Variants in ACBD3 observed in about 807,000 individuals in gnomAD.
ACBD3 encodes acyl-CoA binding domain containing 3.
ACBD3 carries 30 observed loss-of-function variants against 66.9 expected under a neutral mutation model. The observed-to-expected ratio is 0.45, with a 90% CI of 0.34 to 0.61. The LOEUF is 0.61. ACBD3 is among the 20% of genes least tolerant of loss of function. ACBD3 has a pLI of 0.02. For synonymous variants in ACBD3, 278 were observed against 259.8 expected, an observed-to-expected ratio of 1.07 and a Z score of -0.68; for missense variants, 544 against 664.5, an observed-to-expected ratio of 0.82 and a Z score of 1.99.
chr1:226,174,102 C>T (rs1010154211), intron 1 of ACBD3, among the ~76,000 whole-genome samples: 9 of 151,944 alleles, frequency 5.9e-5, no homozygotes, highest in Admixed American at 2.6e-4. Context: ...GTACCATAAA[C>T]GTTAAATGTA....
intron 1 of ACBD3, among the ~76,000 whole-genome samples, chr1:226,177,213 C>G (rs937652729): frequency 4.7e-5 from 7 of 149,076 alleles, no homozygotes; most frequent in Non-Finnish European, 8.9e-5. Flanking sequence ...GTCGCTTGAA[C>G]CGGGACGGGT....
At chr1:226,153,411 T>A (rs146264821) in intron 6 of ACBD3, among the ~76,000 whole-genome samples, 12 of 152,322 alleles carry the variant, frequency 7.9e-5, no homozygotes, top group African/African-American at 2.9e-4. Context: ...CCCTGACCAC[T>A]GTCACTGAAA....
Position 226,186,462 on chromosome 1 carries a change from C to A in ACBD3, c.214G>T (p.Ala72Ser). The A allele has an allele frequency of 6.7e-7, 1 of 1,502,620 alleles. No individual in the cohort carries two copies. The highest frequency in any genetic ancestry group is 8.9e-7 in the Non-Finnish European group (1 of 1,128,430). 93.1% of individuals were successfully genotyped at this position (1,502,620 alleles called of 1,614,324 possible). A position where few individuals can be genotyped will look rare whatever the true frequency, so the allele number is the denominator to read the frequency against. Residue 72 changes from alanine (A) to serine (S), a missense_variant, in exon 1 of 8, where the codon GCG (alanine) becomes TCG (serine). This residue lies in a region of ACBD3 where 137 missense variants were observed against 145.9 expected (regional missense o/e 0.94). Coordinates refer to ENST00000366812, the MANE Select transcript of ACBD3 (RefSeq NM_022735.4). ...CCCCAGCGCTGCTCCAGCCGCCGCG[C>A]CTCCTCCGCCGCGCCCCCAGCCGCC... Reference protein sequence around the residue: ...EAAAGGAAEEARRLEQRWGFG... With the variant: ...EAAAGGAAEESRRLEQRWGFG...
intron 1 of ACBD3, among the ~76,000 whole-genome samples, chr1:226,178,171 C>T (rs999234655): frequency 2.6e-5 from 4 of 152,126 alleles, no homozygotes; most frequent in Non-Finnish European, 4.4e-5. Context: ...ACTAAACTCA[C>T]AAGTATTTAA....
intron 7 of ACBD3, among the ~76,000 whole-genome samples, chr1:226,147,586 A>C (rs550285397): frequency 1.3e-5 from 2 of 152,336 alleles, no homozygotes; most frequent in South Asian, 2.1e-4. Context: ...ATTTGTGAGG[A>C]CTATTGCTTT....
At chr1:226,154,044 T>C (rs1452697129) in intron 6 of ACBD3, among the ~76,000 whole-genome samples, 1 of 152,222 alleles carries the variant, frequency 6.6e-6, no homozygotes, top group Non-Finnish European at 1.5e-5. Context: ...GGAACCATTT[T>C]GGAAGCAGAT....
intron 4 of ACBD3, among the ~76,000 whole-genome samples, chr1:226,161,248 C>T (rs1392879235): frequency 6.7e-6 from 1 of 150,222 alleles, no homozygotes; most frequent in Non-Finnish European, 1.5e-5. Flanking sequence ...AAGAGATTCT[C>T]CTGCCTCAGC....
chr1:226,160,757 C>A (rs552888456), intron 4 of ACBD3, among the ~76,000 whole-genome samples: 43 of 152,298 alleles, frequency 2.8e-4, no homozygotes, highest in African/African-American at 9.4e-4. Context: ...ACCCACAGCT[C>A]CCTCTTGAAG....
In ACBD3 at chr1:226,161,608, T is replaced by G. The variant is rs748002492; in HGVS notation, c.651A>C (p.Glu217Asp). 8.1e-6 allele frequency: 13 copies of G among 1,613,980 alleles called. No homozygotes were observed. The African/African-American group carries it at 1.1e-4, about 13-fold the overall frequency. ...LQKEEEKRRR[E>D]EEERLRREEE... The stretch of plus-strand genomic sequence containing the variant: ...CCTCCCGTCGAAGCCTTTCCTCTTC[T>G]TCTCTCCTACGTTTCTCTTCCTCCT... Residue 217 changes from glutamate (E) to aspartate (D), a missense_variant, in exon 4 of 8, where the codon GAA becomes GAC. This residue lies in a region of ACBD3 where 383 missense variants were observed against 462.4 expected (regional missense o/e 0.83). Coordinates refer to ENST00000366812, the MANE Select transcript of ACBD3 (RefSeq NM_022735.4).
chr1:226,157,361 T>C (rs1274845655), intron 5 of ACBD3, among the ~76,000 whole-genome samples: 1 of 151,988 alleles, frequency 6.6e-6, no homozygotes, highest in African/African-American at 2.4e-5. Flanking sequence ...TGCTTCAGCC[T>C]CACGAGTAGC....
At chr1:226,164,116 TAAAAA>T (rs1165905762) in intron 3 of ACBD3, among the ~76,000 whole-genome samples, 4 of 51,556 alleles carry the variant, frequency 7.8e-5, no homozygotes, top group Admixed American at 5.9e-4. Flanking sequence ...GACTCCATCT[TAAAAA>T]AAAAAAAAAA....
Position 226,146,503 on chromosome 1 carries a change from C to G in ACBD3, c.*107G>C, listed in dbSNP as rs1054378840. On this transcript the variant is annotated 3_prime_UTR_variant, in exon 8 of 8. Coordinates refer to ENST00000366812, the MANE Select transcript of ACBD3 (RefSeq NM_022735.4). Reference sequence around the variant, plus strand: ...AGTTCACAAACCATCAGACCAATATCAATAAGGTAAACTGTGACTCTAATG... The same window carrying G: ...AGTTCACAAACCATCAGACCAATATGAATAAGGTAAACTGTGACTCTAATG... The G allele has an allele frequency of 2.2e-6, 2 of 922,690 alleles. No homozygotes were observed. The highest frequency in any genetic ancestry group is 1.7e-5 in the African/African-American group (1 of 59,870). The allele number at this position is 922,690 out of a possible 1,614,324, so 57.2% of individuals were successfully genotyped here.
rs775447341 is a variant in ACBD3 at position 226,159,212 on chromosome 1, A to C, written c.875T>G (p.Leu292Trp). 1 of 1,614,168 alleles carries C rather than the reference A, an allele frequency of 6.2e-7. No homozygotes were observed. The highest frequency in any genetic ancestry group is 8.5e-7 in the Non-Finnish European group (1 of 1,180,004). ...EQHYQQYMQQ[L>W]YQVQLAQQQA... ...TTGCTGTGCAAGCTGGACTTGATAC[A>C]ACTGCTGCATGTACTGCTGATAGTG... The change falls in exon 5 of 8, where the codon TTG (leucine) becomes TGG (tryptophan). Residue 292 changes from leucine to tryptophan, a missense_variant. Physicochemically the swap from Leu to Trp is moderately conservative, Grantham distance 61 (BLOSUM62 -2). Coordinates refer to ENST00000366812, the MANE Select transcript of ACBD3 (RefSeq NM_022735.4).
At chr1:226,173,661 C>T (rs1486640207) in intron 1 of ACBD3, among the ~76,000 whole-genome samples, 1 of 151,734 alleles carries the variant, frequency 6.6e-6, no homozygotes, top group Non-Finnish European at 1.5e-5. Context: ...CAAAAGGTTA[C>T]AGCTCTCTTA....
chr1:226,151,660 A>G (rs199623048), intron 7 of ACBD3, among the ~76,000 whole-genome samples: 1 of 152,222 alleles, frequency 6.6e-6, no homozygotes, highest in East Asian at 1.9e-4. Context: ...TATCAACAAT[A>G]TAAATTTAAA....
intron 1 of ACBD3, among the ~76,000 whole-genome samples, chr1:226,169,279 G>A (rs1008714443): frequency 1.3e-4 from 20 of 150,678 alleles, no homozygotes; most frequent in African/African-American, 4.4e-4. Context: ...ACAGAGTCTC[G>A]CTCTGTCACC....
intron 7 of ACBD3, chr1:226,148,022 C>T (rs920022627): frequency 1.3e-5 from 2 of 152,122 alleles, no homozygotes; most frequent in African/African-American, 4.8e-5. Context: ...TCTGGCAACA[C>T]ACTGAGTGAT....
chr1:226,171,935 C>G lies in ACBD3; in HGVS notation c.287-5935G>C, dbSNP rs1660001343. Among the ~76,000 whole-genome samples the G allele has an allele frequency of 4.0e-5, 6 of 151,586 alleles. No homozygotes were observed. In the South Asian group the frequency reaches 1.2e-3, roughly 32 times the overall value. Reference sequence around the variant, plus strand: ...CTTTGGGAGGCTGGGGCGGGTGGATCACCTGAGGTCAGGAGTTTGAGATCA... The same window carrying G: ...CTTTGGGAGGCTGGGGCGGGTGGATGACCTGAGGTCAGGAGTTTGAGATCA... On this transcript the variant is annotated intron_variant, in intron 1 of 7. Transcript: ENST00000366812.
At chr1:226,183,481 C>A (rs1007423146) in intron 1 of ACBD3, among the ~76,000 whole-genome samples, 1 of 151,942 alleles carries the variant, frequency 6.6e-6, no homozygotes, top group East Asian at 1.9e-4. Flanking sequence ...CACACCCGGC[C>A]GAAAATGTAA....
Sources: gnomAD v4.1 joint callset for allele counts (sites outside exome capture counted in the v4.1 genomes callset) on GRCh38, gnomAD v4.1.1 for gene constraint, gnomAD v4.1.1 regional missense constraint, MANE v1.5 for transcripts, NCBI Gene and HGNC (gene_info 2026-07-23, HGNC 2026-07-21) for gene names.